DOK3: variants seen among roughly 807,000 people sequenced by gnomAD.
The protein encoded by DOK3 is Dok-like protein.
A neutral mutation model predicts 26.2 loss-of-function variants in DOK3; 23 were observed. The observed-to-expected ratio is 0.88, with a 90% CI of 0.63 to 1.24. DOK3 has a LOEUF of 1.24. Among genes scored for constraint, DOK3 ranks in the 50% most tolerant of loss-of-function variants. The pLI, the probability that DOK3 is intolerant of heterozygous loss-of-function variation, is 0.00. For missense variants in DOK3, 619 were observed against 610.6 expected (o/e 1.01, Z -0.15); for synonymous variants, 268 against 268.2 (o/e 1.00, Z 0.01).
chr5:177,504,494 C>G lies in DOK3; in HGVS notation c.812G>C (p.Arg271Pro). The G allele has an allele frequency of 6.3e-7, 1 of 1,584,962 alleles. No individual in the cohort carries two copies. The part of the protein sequence containing the change: ...LTRPQPCPLP[R>P]ATSLPSLDTP... ...GTCCAGGGAGGGCAGAGAGGTGGCCCGTGGCAGGGGGCAGGGCTGGGGCCT... is the reference window on the plus strand; with the variant it reads ...GTCCAGGGAGGGCAGAGAGGTGGCCGGTGGCAGGGGGCAGGGCTGGGGCCT... Residue 271 changes from arginine to proline, a missense_variant, in exon 6 of 6, where the codon CGG becomes CCG. Arg to Pro is a moderately radical substitution (Grantham distance 103, BLOSUM62 -2). Transcript: ENST00000510898.
In DOK3 at chr5:177,502,731, G is replaced by A. The variant is rs1687134125; in HGVS notation, c.*1252C>T. ...CTGTTAAGAAGGATGCAGGCAGTCT[G>A]CTTAAATGGATTTCTCTGGCTGTGG... is the stretch of plus-strand genomic sequence containing the variant. On this transcript the variant is annotated 3_prime_UTR_variant, in exon 6 of 6. Coordinates refer to ENST00000510898, the MANE Select transcript of DOK3 (RefSeq NM_001308236.3). 2.8e-6 allele frequency: 1 copy of A among 358,862 alleles called. No individual in the cohort carries two copies. Among genetic ancestry groups the A allele is most frequent in the East Asian group, 4.7e-5 (1 of 21,156 alleles). 22.2% of individuals were successfully genotyped at this position (358,862 alleles called of 1,614,324 possible). A position where few individuals can be genotyped will look rare whatever the true frequency, so the allele number is the denominator to read the frequency against.
upstream of DOK3, chr5:177,510,005 T>A (rs772039672): frequency 4.2e-6 from 4 of 961,776 alleles, no homozygotes; most frequent in Non-Finnish European, 6.2e-6. Flanking sequence ...ATCTTGCTGC[T>A]TTTCTTTCTC....
rs185653029 is a variant in DOK3 at position 177,506,027 on chromosome 5, C to T, written c.373-917G>A. ...TGCTGGGATTACAGGCATGAGCCAC[C>T]GCGCCCAGCCCGCCTCCCGGGTTTA... On this transcript the variant is annotated intron_variant, in intron 3 of 5. Transcript: ENST00000510898. Among the ~76,000 whole-genome samples, 125 of 149,112 alleles carry T rather than the reference C, an allele frequency of 8.4e-4. 1 individual carries two copies. Among genetic ancestry groups the T allele is most frequent in the African/African-American group, 2.8e-3 (114 of 40,498 alleles).
At position 177,508,468 on chromosome 5, in the gene DOK3, C is replaced by T; in HGVS notation, c.141G>A (p.Glu47=). 1 of 1,589,964 alleles carries T rather than the reference C, an allele frequency of 6.3e-7. No individual in the cohort carries two copies. Among genetic ancestry groups the T allele is most frequent in the Non-Finnish European group, 8.6e-7 (1 of 1,169,390 alleles). The change falls in exon 3 of 6, where the codon GAG becomes GAA. Residue 47 remains glutamate, a synonymous_variant. Transcript: ENST00000510898. The part of the protein sequence containing the change: ...PSGVARLESW[E]VRDGGLGAAG... ...CTGCTCCCAGGCCACCATCCCGGAC[C>T]TCCCAGCTCTCCAGCCGTGCCACGC...
At position 177,509,547 on chromosome 5, in the gene DOK3, G is replaced by A. The variant is rs148331703; in HGVS notation, c.-7C>T. 2.5e-5 allele frequency: 41 copies of A among 1,610,082 alleles called. No individual in the cohort carries two copies. Among genetic ancestry groups the A allele is most frequent in the Admixed American group, 3.4e-5 (2 of 59,230 alleles). ...GGGTCTCCAGAGGGTCCATGGTCAC[G>A]GCCAGGAGCAGGGCCGCCGCTTCAA... On this transcript the variant is annotated 5_prime_UTR_variant, in exon 2 of 6. Transcript: ENST00000510898.
Position 177,504,115 on chromosome 5 carries a change from G to T in DOK3, c.1191C>A (p.Tyr397Ter), listed in dbSNP as rs755938412. The change falls in exon 6 of 6, where the codon TAC becomes TAA. Residue 397 changes from tyrosine to a stop codon, truncating the protein, a stop_gained. Coordinates refer to ENST00000510898, the MANE Select transcript of DOK3 (RefSeq NM_001308236.3). LOFTEE classifies it high-confidence loss of function. ...CCTGATCCAGCTCCAGCAGCCGCCGGTACTGGGCCTCCAGGGTACTGTCGT... is the reference window on the plus strand; with the variant it reads ...CCTGATCCAGCTCCAGCAGCCGCCGTTACTGGGCCTCCAGGGTACTGTCGT... Reference protein sequence around the residue: ...PANDSTLEAQYRRLLELDQVE... With the variant: ...PANDSTLEAQ 1.1e-5 allele frequency: 17 copies of T among 1,613,528 alleles called. No individual in the cohort carries two copies.
chr5:177,504,864 T>C lies in DOK3; in HGVS notation c.524A>G (p.Gln175Arg). Reference protein sequence around the residue: ...VQRTEAATRCQLKGPALLVLG... With the variant: ...VQRTEAATRCRLKGPALLVLG... ...CACCAGCAGGGCCGGCCCCTTCAGC[T>C]GGCAGCGGGTGGCGGCCTCAGTCCT... Residue 175 changes from glutamine (Q) to arginine (R), a missense_variant, in exon 5 of 6, where the codon CAG becomes CGG. Physicochemically the swap from Gln to Arg is conservative, Grantham distance 43. Transcript: ENST00000510898. 2 of 1,607,188 alleles carry C rather than the reference T, an allele frequency of 1.2e-6. No individual in the cohort carries two copies. The highest frequency in any genetic ancestry group is 1.7e-6 in the Non-Finnish European group (2 of 1,176,138).
upstream of DOK3, chr5:177,510,455 A>C: frequency 6.5e-6 from 1 of 153,416 alleles, no homozygotes; most frequent in Non-Finnish European, 1.5e-5. Flanking sequence ...CGGAGAGGTC[A>C]CATGTTCATT....
intron 3 of DOK3, among the ~76,000 whole-genome samples, chr5:177,506,758 G>A (rs1172227090): frequency 1.0e-4 from 14 of 134,312 alleles, no homozygotes; most frequent in African/African-American, 2.6e-4. Flanking sequence ...GCATGATCTC[G>A]GCTCACCGCA....
At position 177,508,363 on chromosome 5, in the gene DOK3, C is replaced by T. The variant is rs778697790; in HGVS notation, c.246G>A (p.Pro82=). 6.9e-6 allele frequency: 11 copies of T among 1,601,696 alleles called. No homozygotes were observed. The highest frequency in any genetic ancestry group is 3.3e-5 in the Admixed American group (2 of 59,826). The change falls in exon 3 of 6, where the codon CCG becomes CCA. Residue 82 remains proline (P), a synonymous_variant. Coordinates refer to ENST00000510898, the MANE Select transcript of DOK3 (RefSeq NM_001308236.3). ...IRLADCVSVL[P]ADGESCPRDT... is the part of the protein sequence containing the mutation. ...CCCGGGGGCAGCTCTCGCCGTCAGC[C>T]GGCAGCACGGACACACAGTCAGCCA...
chr5:177,506,777 C>T, intron 3 of DOK3, among the ~76,000 whole-genome samples: 1 of 150,780 alleles, frequency 6.6e-6, no homozygotes, highest in East Asian at 1.9e-4. Flanking sequence ...CAACCTCTGC[C>T]TCCCAGGTTC....
In DOK3 at chr5:177,504,257, G is replaced by A. The variant is rs1476207348; in HGVS notation, c.1049C>T (p.Ala350Val). The A allele has an allele frequency of 3.1e-6, 5 of 1,610,298 alleles. No individual in the cohort carries two copies. Among genetic ancestry groups the A allele is most frequent in the Non-Finnish European group, 4.2e-6 (5 of 1,178,316 alleles). The change falls in exon 6 of 6, where the codon GCC (alanine) becomes GTC (valine). Residue 350 changes from alanine (A) to valine (V), a missense_variant. By Grantham distance (64) the Ala-to-Val change is moderately conservative (BLOSUM62 0). Coordinates refer to ENST00000510898, the MANE Select transcript of DOK3 (RefSeq NM_001308236.3). Reference protein sequence around the residue: ...HLYENLCVLEASPTLHGGEPE... With the variant: ...HLYENLCVLEVSPTLHGGEPE... ...TTCCCCACCGTGCAGCGTGGGGCTG[G>A]CCTCCAGCACACACAGGTTCTCATA...
In DOK3 at chr5:177,502,185, G is replaced by A. The variant is rs181946956; in HGVS notation, c.*1798C>T. 1.3e-5 allele frequency: 2 copies of A among 152,336 alleles called. No individual in the cohort carries two copies. Among genetic ancestry groups the A allele is most frequent in the Non-Finnish European group, 2.9e-5 (2 of 68,046 alleles). 9.4% of individuals were successfully genotyped at this position (152,336 alleles called of 1,614,324 possible). On this transcript the variant is annotated 3_prime_UTR_variant, in exon 6 of 6. Coordinates refer to ENST00000510898, the MANE Select transcript of DOK3 (RefSeq NM_001308236.3). ...GCTTTTGTTTTGGAGAATAAGGTTG[G>A]TGACTCTAATAAAAGCCACATAATG...
chr5:177,504,655 C>G lies in DOK3; in HGVS notation c.651G>C (p.Val217=). 1 of 1,613,198 alleles carries G rather than the reference C, an allele frequency of 6.2e-7. No homozygotes were observed. The highest frequency in any genetic ancestry group is 2.2e-5 in the East Asian group (1 of 44,884). ...AGCGACGGCCGGCCTCAAAGGAGAA[C>G]ACGCCCTGGGCACAGGGCACACGGG... ...FLRKFGSDKG[V]FSFEAGRRCH... Residue 217 remains valine (V), a synonymous_variant, in exon 6 of 6, where the codon GTG becomes GTC. Transcript: ENST00000510898.
Position 177,503,722 on chromosome 5 carries a change from G to A in DOK3, c.*261C>T, listed in dbSNP as rs1269222052. ...GGAACCGGCACAGGGTGCTTGTGTTGGCCGCAATGAACGTGGGCAGGGGCG... is the reference window on the plus strand; with the variant it reads ...GGAACCGGCACAGGGTGCTTGTGTTAGCCGCAATGAACGTGGGCAGGGGCG... On this transcript the variant is annotated 3_prime_UTR_variant, in exon 6 of 6. Transcript: ENST00000510898. 7.1e-7 allele frequency: 1 copy of A among 1,406,762 alleles called. No homozygotes were observed. Among genetic ancestry groups the A allele is most frequent in the African/African-American group, 1.4e-5 (1 of 69,366 alleles). The allele number at this position is 1,406,762 out of a possible 1,614,324, so 87.1% of individuals were successfully genotyped here.
At position 177,504,665 on chromosome 5, in the gene DOK3, G is replaced by C; in HGVS notation, c.646-5C>G. 6.2e-7 allele frequency: 1 copy of C among 1,613,304 alleles called. No homozygotes were observed. The highest frequency in any genetic ancestry group is 2.2e-5 in the East Asian group (1 of 44,878). The stretch of plus-strand genomic sequence containing the variant: ...GGCCTCAAAGGAGAACACGCCCTGG[G>C]CACAGGGCACACGGGTGGGGATTAG... On this transcript the variant is annotated splice_region_variant and splice_polypyrimidine_tract_variant and intron_variant, in intron 5 of 5. Coordinates refer to ENST00000510898, the MANE Select transcript of DOK3 (RefSeq NM_001308236.3).
rs776385897 is a variant in DOK3, at chr5:177,509,765, G to C, written c.-125C>G. The C allele has an allele frequency of 3.7e-6, 6 of 1,612,436 alleles. No homozygotes were observed. The highest frequency in any genetic ancestry group is 2.2e-5 in the East Asian group (1 of 44,862). ...CAAGGTGCCCACACCTACCTGGAGG[G>C]AGCCCCCGGCCACCTGAAGGCAGCC... On this transcript the variant is annotated 5_prime_UTR_variant, in exon 1 of 6. Transcript: ENST00000510898.
chr5:177,503,655 A>G lies in DOK3; in HGVS notation c.*328T>C. On this transcript the variant is annotated 3_prime_UTR_variant, in exon 6 of 6. Coordinates refer to ENST00000510898, the MANE Select transcript of DOK3 (RefSeq NM_001308236.3). ...CCGTCTGTCTGCTGCAGTGGGTTTGAGCCCACGGGTGGCAGGTAAGGCCCA... is the reference window on the plus strand; with the variant it reads ...CCGTCTGTCTGCTGCAGTGGGTTTGGGCCCACGGGTGGCAGGTAAGGCCCA... 7.4e-7 allele frequency: 1 copy of G among 1,350,714 alleles called. No homozygotes were observed. Among genetic ancestry groups the G allele is most frequent in the Non-Finnish European group, 9.6e-7 (1 of 1,037,450 alleles). The allele number at this position is 1,350,714 out of a possible 1,614,324, so 83.7% of individuals were successfully genotyped here.
rs1759627814 is a variant in DOK3 at position 177,503,812 on chromosome 5, T to C, written c.*171A>G. On this transcript the variant is annotated 3_prime_UTR_variant, in exon 6 of 6. Transcript: ENST00000510898. ...TATTATCTGTGAGTCTGCACACTATTCATGAGGAGGGCAGGGCAGGGCTGA... is the reference window on the plus strand; with the variant it reads ...TATTATCTGTGAGTCTGCACACTATCCATGAGGAGGGCAGGGCAGGGCTGA... 2 of 1,432,174 alleles carry C rather than the reference T, an allele frequency of 1.4e-6. No homozygotes were observed. The highest frequency in any genetic ancestry group is 3.0e-5 in the South Asian group (2 of 66,964). The allele number at this position is 1,432,174 out of a possible 1,614,324, so 88.7% of individuals were successfully genotyped here.
Sources: allele counts gnomAD v4.1 joint callset (sites outside exome capture counted in the v4.1 genomes callset), GRCh38; gene constraint gnomAD v4.1.1; transcripts MANE v1.5; gene names NCBI Gene and HGNC (gene_info 2026-07-23, HGNC 2026-07-21).